The following RNGTT variants were observed in gnomAD, a reference collection of about 807,000 sequenced individuals.
RNGTT encodes mRNA-capping enzyme.
A neutral mutation model predicts 79.3 loss-of-function variants in RNGTT; 33 were observed. That is an observed-to-expected ratio of 0.42 (90% CI 0.32 to 0.56). The LOEUF (loss-of-function observed/expected upper bound fraction) is 0.56. RNGTT is among the 20% of genes least tolerant of loss of function. The probability of loss-of-function intolerance (pLI) is 0.17; values close to 1 mark genes in which losing one functional copy is unlikely to be tolerated. For synonymous variants in RNGTT, 222 were observed against 235.9 expected (o/e 0.94, Z 0.54); for missense variants, 497 against 739.1 (o/e 0.67, Z 3.80).
At chr6:88,916,253 A>T (rs1421136352) in intron 4 of RNGTT, among the ~76,000 whole-genome samples, 3 of 152,160 alleles carry the variant, frequency 2.0e-5, no homozygotes, top group Non-Finnish European at 4.4e-5. Context: ...CGGGTAGATC[A>T]CTTGAGCCCA....
At chr6:88,923,879 C>G (rs1463542305) in intron 4 of RNGTT, among the ~76,000 whole-genome samples, 1 of 152,206 alleles carries the variant, frequency 6.6e-6, no homozygotes, top group African/African-American at 2.4e-5. Flanking sequence ...TCCAAGATTC[C>G]TTTCTCTGGC....
chr6:88,945,551 C>A (rs1281713342), intron 1 of RNGTT, among the ~76,000 whole-genome samples: 2 of 152,080 alleles, frequency 1.3e-5, no homozygotes, highest in African/African-American at 4.8e-5. Context: ...TTTCTTTAAC[C>A]AACGTCTAAA....
chr6:88,949,159 G>GAAAAAAAAAAAAAAAAAAAAAA, intron 1 of RNGTT, among the ~76,000 whole-genome samples: 6 of 50,514 alleles, frequency 1.2e-4, no homozygotes, highest in African/African-American at 2.4e-4. Flanking sequence ...AAAATAAAAT[G>GAAAAAAAAAAAAAAAAAAAAAA]AAAAAAAAAA....
chr6:88,654,607 GTAAC>G, intron 14 of RNGTT, among the ~76,000 whole-genome samples: 1 of 136,818 alleles, frequency 7.3e-6, no homozygotes, highest in East Asian at 2.0e-4. Flanking sequence ...CCTCTTCCCA[GTAAC>G]TATGAGATCT....
chr6:88,670,467 T>G (rs1240135661), intron 14 of RNGTT, among the ~76,000 whole-genome samples: 1 of 152,048 alleles, frequency 6.6e-6, no homozygotes, highest in African/African-American at 2.4e-5. Flanking sequence ...AAAGTGAAAA[T>G]TCCCACTAAT....
At chr6:88,931,604 C>T (rs542011603) in intron 2 of RNGTT, among the ~76,000 whole-genome samples, 43 of 152,064 alleles carry the variant, frequency 2.8e-4, no homozygotes, top group Non-Finnish European at 4.6e-4. Flanking sequence ...AATTCTAACA[C>T]ATAGGGTAAA....
chr6:88,833,806 G>A (rs1051567439), intron 11 of RNGTT, among the ~76,000 whole-genome samples: 2 of 152,186 alleles, frequency 1.3e-5, no homozygotes, highest in East Asian at 1.9e-4. Flanking sequence ...GGCAGATCAC[G>A]AGGTCAGGAG....
chr6:88,858,923 G>A (rs1781921263), intron 8 of RNGTT, among the ~76,000 whole-genome samples: 1 of 152,112 alleles, frequency 6.6e-6, no homozygotes, highest in Non-Finnish European at 1.5e-5. Flanking sequence ...GAATACTCAA[G>A]TGTAAAGAGA....
chr6:88,638,777 C>A (rs1436647011), intron 14 of RNGTT, among the ~76,000 whole-genome samples: 1 of 152,074 alleles, frequency 6.6e-6, no homozygotes, highest in African/African-American at 2.4e-5. Flanking sequence ...AACAGAGGTA[C>A]TTTACTATCT....
intron 13 of RNGTT, among the ~76,000 whole-genome samples, chr6:88,698,315 G>A (rs1473438916): frequency 7.7e-6 from 1 of 130,510 alleles, no homozygotes; most frequent in Non-Finnish European, 1.6e-5. Context: ...ATATATATAT[G>A]AAATATATAT....
At chr6:88,950,921 C>T (rs184449585) in intron 1 of RNGTT, among the ~76,000 whole-genome samples, 38 of 151,252 alleles carry the variant, frequency 2.5e-4, no homozygotes, top group African/African-American at 7.5e-4. Context: ...TACAGTGGCG[C>T]GACCTTGGCT....
At chr6:88,927,890 A>G (rs1784374549) in intron 4 of RNGTT, among the ~76,000 whole-genome samples, 1 of 151,878 alleles carries the variant, frequency 6.6e-6, no homozygotes, top group African/African-American at 2.4e-5. Context: ...AATTTAAACC[A>G]TATACCAACA....
At chr6:88,780,531 C>A (rs1247184203) in intron 12 of RNGTT, among the ~76,000 whole-genome samples, 1 of 152,054 alleles carries the variant, frequency 6.6e-6, no homozygotes, top group Non-Finnish European at 1.5e-5. Context: ...ATTCAATTTA[C>A]CAGCATGTAT....
chr6:88,826,173 C>T (rs2127884000), intron 11 of RNGTT, among the ~76,000 whole-genome samples: 1 of 152,276 alleles, frequency 6.6e-6, no homozygotes, highest in South Asian at 2.1e-4. Flanking sequence ...GGGCAGGGGG[C>T]ATGGTTTACA....
intron 9 of RNGTT, among the ~76,000 whole-genome samples, chr6:88,850,678 G>T (rs1412562994): frequency 2.6e-5 from 4 of 151,952 alleles, no homozygotes; most frequent in African/African-American, 9.7e-5. Flanking sequence ...AGTACAAGGA[G>T]TGTAGTTATT....
At chr6:88,814,570 T>C (rs566926739) in intron 11 of RNGTT, among the ~76,000 whole-genome samples, 1 of 152,332 alleles carries the variant, frequency 6.6e-6, no homozygotes, top group South Asian at 2.1e-4. Context: ...GTTCATGCTA[T>C]ACTCTGTATC....
intron 13 of RNGTT, among the ~76,000 whole-genome samples, chr6:88,687,178 T>C (rs984132629): frequency 6.6e-6 from 1 of 152,138 alleles, no homozygotes; most frequent in Non-Finnish European, 1.5e-5. Flanking sequence ...ATTAAGCGTA[T>C]GTAAAAATAT....
Position 88,901,311 on chromosome 6 carries a change from C to T in RNGTT, c.684+3404G>A, listed in dbSNP as rs557605760. ...CTATATATTTAAGAATTCCTACATA[C>T]ACCACGCAGGATAAATACAAAGAAA... On this transcript the variant is annotated intron_variant, in intron 6 of 15. Transcript: ENST00000369485. Among the ~76,000 whole-genome samples, 4 of 151,962 alleles carry T rather than the reference C, an allele frequency of 2.6e-5. No homozygotes were observed. The South Asian group carries it at 6.2e-4, about 24-fold the overall frequency.
chr6:88,620,610 A>G (rs1255085116), intron 14 of RNGTT, among the ~76,000 whole-genome samples: 2 of 152,216 alleles, frequency 1.3e-5, no homozygotes, highest in African/African-American at 2.4e-5. Flanking sequence ...GTTGGTTTTT[A>G]ATGTAGAGGT....
Sources: allele counts gnomAD v4.1 joint callset (sites outside exome capture counted in the v4.1 genomes callset), GRCh38; gene constraint gnomAD v4.1.1; transcripts MANE v1.5; gene names NCBI Gene and HGNC (gene_info 2026-07-23, HGNC 2026-07-21).